Variants in SH3RF1 observed in about 807,000 individuals in gnomAD.
SH3RF1 encodes SH3 domain containing ring finger 1, also known as E3 ubiquitin-protein ligase SH3RF1.
In SH3RF1, 32 loss-of-function variants were observed where a neutral mutation model predicts 74.0. That is an observed-to-expected ratio of 0.43 (90% CI 0.33 to 0.58). The LOEUF is 0.58. Among genes scored for constraint, SH3RF1 ranks in the 20% least tolerant of loss-of-function variants. SH3RF1 has a pLI of 0.05. For synonymous variants in SH3RF1, 396 were observed against 439.6 expected (o/e 0.90, Z 1.24); for missense variants, 954 against 1,130.9 (o/e 0.84, Z 2.24).
intron 2 of SH3RF1, among the ~76,000 whole-genome samples, chr4:169,188,315 A>G (rs1045352744): frequency 6.6e-5 from 10 of 152,220 alleles, no homozygotes; most frequent in Admixed American, 6.5e-4. Flanking sequence ...AATGCAGCAA[A>G]GATACATAGT....
chr4:169,230,722 G>T (rs1385968231), intron 2 of SH3RF1, among the ~76,000 whole-genome samples: 1 of 151,976 alleles, frequency 6.6e-6, no homozygotes, highest in Admixed American at 6.6e-5. Flanking sequence ...AGCTGGGCGT[G>T]GTGGCACACA....
chr4:169,219,488 T>C (rs1579145353), intron 2 of SH3RF1, among the ~76,000 whole-genome samples: 4 of 152,248 alleles, frequency 2.6e-5, no homozygotes, highest in East Asian at 1.9e-4. Flanking sequence ...AGAAACTATT[T>C]CAAAGCTATC....
intron 2 of SH3RF1, 39 bp from the exon 3 acceptor site, chr4:169,156,718 T>C (rs1442558834): frequency 2.0e-6 from 3 of 1,529,972 alleles, no homozygotes; most frequent in East Asian, 2.3e-5. Flanking sequence ...AATAAAATAA[T>C]GGTCTTAAAA....
intron 2 of SH3RF1, among the ~76,000 whole-genome samples, chr4:169,159,372 C>T (rs1413314519): frequency 6.6e-6 from 1 of 151,982 alleles, no homozygotes; most frequent in Non-Finnish European, 1.5e-5. Flanking sequence ...ACACAGCAAT[C>T]GACAGAGAGA....
intron 2 of SH3RF1, among the ~76,000 whole-genome samples, chr4:169,199,348 T>C (rs1011468024): frequency 6.6e-6 from 1 of 152,156 alleles, no homozygotes; most frequent in Non-Finnish European, 1.5e-5. Context: ...CAGTCTAATG[T>C]TTGGTTGGCA....
intron 2 of SH3RF1, among the ~76,000 whole-genome samples, chr4:169,212,647 A>C (rs946767384): frequency 6.6e-6 from 1 of 152,148 alleles, no homozygotes; most frequent in African/African-American, 2.4e-5. Flanking sequence ...TCCTACAATC[A>C]ATATCCCTAA....
At chr4:169,108,591 T>C (rs1733187328) in intron 10 of SH3RF1, among the ~76,000 whole-genome samples, 1 of 152,150 alleles carries the variant, frequency 6.6e-6, no homozygotes, top group Non-Finnish European at 1.5e-5. Flanking sequence ...GGGCTATAGA[T>C]GAGCAGAGCC....
chr4:169,204,006 C>T (rs1561052290), intron 2 of SH3RF1: 1 of 152,182 alleles, frequency 6.6e-6, no homozygotes, highest in Non-Finnish European at 1.5e-5. Flanking sequence ...ATAATCTTGG[C>T]ACATCGAAGG....
intron 2 of SH3RF1, among the ~76,000 whole-genome samples, chr4:169,216,115 TA>T (rs1173578516): frequency 7.9e-5 from 12 of 152,172 alleles, no homozygotes; most frequent in African/African-American, 2.7e-4. Flanking sequence ...AATAGTCAGG[TA>T]ATGTAGTATC....
At chr4:169,181,395 T>C (rs1356556685) in intron 2 of SH3RF1, among the ~76,000 whole-genome samples, 2 of 151,724 alleles carry the variant, frequency 1.3e-5, no homozygotes, top group Non-Finnish European at 2.9e-5. Context: ...CCTGACTAGC[T>C]GGGACTACAG....
chr4:169,208,149 G>GTTT (rs5863986), intron 2 of SH3RF1, among the ~76,000 whole-genome samples: 6 of 146,458 alleles, frequency 4.1e-5, no homozygotes, highest in Admixed American at 6.8e-5. Context: ...AAGTCCTCAA[G>GTTT]TTTTTTTTTT....
chr4:169,181,257 CTTTT>C (rs397878328), intron 2 of SH3RF1, among the ~76,000 whole-genome samples: 21 of 103,376 alleles, frequency 2.0e-4, no homozygotes, highest in Middle Eastern at 6.3e-3. Flanking sequence ...TTGGGAAAGC[CTTTT>C]TTTTTTTTTT....
At chr4:169,206,423 A>G (rs930011059) in intron 2 of SH3RF1, among the ~76,000 whole-genome samples, 2 of 152,236 alleles carry the variant, frequency 1.3e-5, no homozygotes, top group Admixed American at 1.3e-4. Flanking sequence ...CCATAATTCC[A>G]GTACTTTGGG....
chr4:169,199,859 TA>T (rs1460014873), intron 2 of SH3RF1, among the ~76,000 whole-genome samples: 1 of 152,126 alleles, frequency 6.6e-6, no homozygotes, highest in Admixed American at 6.6e-5. Context: ...ACATGTAAAT[TA>T]ATCTACCAGT....
rs563680540 is a variant in SH3RF1, at chr4:169,132,086, C to G, written c.1069-1930G>C. On this transcript the variant is annotated intron_variant, in intron 5 of 11. Transcript: ENST00000284637. ...TTTTAACAAATCTCTGCTTTTGTTGCTTCATTCTTTCCTTGCTTTGTGTGT... is the reference window on the plus strand; with the variant it reads ...TTTTAACAAATCTCTGCTTTTGTTGGTTCATTCTTTCCTTGCTTTGTGTGT... Among the ~76,000 whole-genome samples, 7 of 152,326 alleles carry G rather than the reference C, an allele frequency of 4.6e-5. No homozygotes were observed. In the South Asian group the frequency reaches 1.5e-3, roughly 32 times the overall value.
At chr4:169,138,243 G>A (rs545669694) in intron 4 of SH3RF1, among the ~76,000 whole-genome samples, 3 of 152,292 alleles carry the variant, frequency 2.0e-5, no homozygotes, top group South Asian at 2.1e-4. Context: ...TAGTGGGAGT[G>A]GCCTGAACCT....
intron 2 of SH3RF1, among the ~76,000 whole-genome samples, chr4:169,187,170 CT>C (rs1734619581): frequency 6.6e-6 from 1 of 152,128 alleles, no homozygotes; most frequent in African/African-American, 2.4e-5. Flanking sequence ...AATTAGCTTG[CT>C]TATATAGTGT....
At chr4:169,162,942 T>C (rs1734173678) in intron 2 of SH3RF1, among the ~76,000 whole-genome samples, 1 of 152,070 alleles carries the variant, frequency 6.6e-6, no homozygotes, top group Non-Finnish European at 1.5e-5. Flanking sequence ...CTCCACACCC[T>C]CCATCCTCTC....
In SH3RF1 at chr4:169,122,253, G is replaced by C; in HGVS notation, c.1193C>G (p.Pro398Arg). 6.3e-7 allele frequency: 1 copy of C among 1,598,086 alleles called. No individual in the cohort carries two copies. The highest frequency in any genetic ancestry group is 8.5e-7 in the Non-Finnish European group (1 of 1,171,426). The change falls in exon 7 of 12, where the codon CCT becomes CGT. Residue 398 changes from proline (P) to arginine (R), a missense_variant. Physicochemically the swap from Pro to Arg is moderately radical, Grantham distance 103. Coordinates refer to ENST00000284637, the MANE Select transcript of SH3RF1 (RefSeq NM_020870.4). ...YQAALGTLNP[P>R]LPPPPLLAAT... Reference sequence around the variant, plus strand: ...AGCCAGGAGAGGGGGTGGTGGAAGAGGAGGATTCAAAGTCTAGTATAGGAA... The same window carrying C: ...AGCCAGGAGAGGGGGTGGTGGAAGACGAGGATTCAAAGTCTAGTATAGGAA...
Sources: allele counts gnomAD v4.1 joint callset (sites outside exome capture counted in the v4.1 genomes callset), GRCh38; gene constraint gnomAD v4.1.1; transcripts MANE v1.5; gene names NCBI Gene and HGNC (gene_info 2026-07-23, HGNC 2026-07-21).